The following SPTLC3 variants were observed in gnomAD, a reference collection of about 807,000 sequenced individuals.
SPTLC3 encodes the protein serine palmitoyltransferase long chain base subunit 3.
In SPTLC3, 36 loss-of-function variants were observed where a neutral mutation model predicts 59.3. That is an observed-to-expected ratio of 0.61 (90% confidence interval 0.47 to 0.80). SPTLC3 has a LOEUF of 0.80. Among genes scored for constraint, SPTLC3 ranks in the 30% least tolerant of loss-of-function variants. The pLI, the probability that SPTLC3 is intolerant of heterozygous loss-of-function variation, is 0.00. For synonymous variants in SPTLC3, 257 were observed against 240.8 expected (o/e 1.07, Z -0.62); for missense variants, 625 against 685.1 (o/e 0.91, Z 0.98).
intron 10 of SPTLC3, among the ~76,000 whole-genome samples, chr20:13,156,461 G>T (rs941297041): frequency 6.6e-6 from 1 of 152,156 alleles, no homozygotes; most frequent in African/African-American, 2.4e-5. Flanking sequence ...GAATCAAAAA[G>T]AAATTTGATT....
At chr20:13,078,693 G>T (rs1202737049) in intron 4 of SPTLC3, among the ~76,000 whole-genome samples, 1 of 152,102 alleles carries the variant, frequency 6.6e-6, no homozygotes, top group Non-Finnish European at 1.5e-5. Flanking sequence ...CAAAGGAAGA[G>T]GTAAAATAGC....
At chr20:13,027,814 G>A (rs1291845270) in intron 1 of SPTLC3, among the ~76,000 whole-genome samples, 2 of 152,082 alleles carry the variant, frequency 1.3e-5, no homozygotes, top group African/African-American at 2.4e-5. Context: ...GACTTTTATA[G>A]CTAGGCAGCA....
chr20:13,057,659 G>T (rs1452347806), intron 2 of SPTLC3, among the ~76,000 whole-genome samples: 1 of 152,148 alleles, frequency 6.6e-6, no homozygotes, highest in African/African-American at 2.4e-5. Context: ...GCACTAAAAA[G>T]CTCAAGTTAG....
chr20:13,102,314 A>T (rs1296676115), intron 6 of SPTLC3, among the ~76,000 whole-genome samples: 2 of 152,072 alleles, frequency 1.3e-5, no homozygotes, highest in African/African-American at 4.8e-5. Flanking sequence ...CTTCATTGTA[A>T]TGAGCCATTT....
At chr20:13,078,319 A>G (rs1600257578) in intron 4 of SPTLC3, among the ~76,000 whole-genome samples, 1 of 150,906 alleles carries the variant, frequency 6.6e-6, no homozygotes, top group Admixed American at 6.6e-5. Context: ...GATCAAAATA[A>G]TAGTTCAATA....
intron 1 of SPTLC3, among the ~76,000 whole-genome samples, chr20:13,042,889 T>C (rs1987053816): frequency 6.6e-6 from 1 of 152,138 alleles, no homozygotes; most frequent in Admixed American, 6.6e-5. Flanking sequence ...ATTTTTATAA[T>C]TTTTACCAGT....
intron 1 of SPTLC3, among the ~76,000 whole-genome samples, chr20:13,015,869 G>C (rs1985503245): frequency 6.6e-6 from 1 of 151,820 alleles, no homozygotes; most frequent in Non-Finnish European, 1.5e-5. Context: ...CATGGGAAAA[G>C]TCTTTATAAC....
chr20:13,056,109 C>T (rs1350710031), intron 2 of SPTLC3, among the ~76,000 whole-genome samples: 1 of 152,156 alleles, frequency 6.6e-6, no homozygotes, highest in African/African-American at 2.4e-5. Flanking sequence ...CTATGGACAT[C>T]AAATGGCAGC....
At chr20:13,135,006 C>G (rs2038211099) in intron 9 of SPTLC3, among the ~76,000 whole-genome samples, 1 of 152,142 alleles carries the variant, frequency 6.6e-6, no homozygotes, top group Admixed American at 6.5e-5. Flanking sequence ...ACAGTCACTC[C>G]CTAAGCCTGT....
intron 2 of SPTLC3, among the ~76,000 whole-genome samples, chr20:13,071,773 CCT>C (rs1178088728): frequency 2.6e-5 from 4 of 152,186 alleles, no homozygotes; most frequent in Non-Finnish European, 5.9e-5. Flanking sequence ...TCCACGAGCT[CCT>C]CTGATTAGTT....
chr20:13,110,669 T>C (rs766659673), intron 7 of SPTLC3, among the ~76,000 whole-genome samples: 19 of 152,098 alleles, frequency 1.2e-4, no homozygotes, highest in Non-Finnish European at 2.5e-4. Context: ...GTGATTGCCA[T>C]CAATACAAAA....
intron 4 of SPTLC3, among the ~76,000 whole-genome samples, chr20:13,086,062 T>A (rs1257672315): frequency 2.0e-5 from 3 of 152,048 alleles, no homozygotes; most frequent in Non-Finnish European, 4.4e-5. Context: ...GAAAAAAAAA[T>A]TGTGGATTTA....
chr20:13,023,190 C>T (rs1238252252), intron 1 of SPTLC3, among the ~76,000 whole-genome samples: 2 of 151,936 alleles, frequency 1.3e-5, no homozygotes, highest in Non-Finnish European at 2.9e-5. Flanking sequence ...TCTAAAATTG[C>T]AACCCACCCC....
At chr20:13,042,743 AG>A (rs1296843710) in intron 1 of SPTLC3, among the ~76,000 whole-genome samples, 2 of 152,226 alleles carry the variant, frequency 1.3e-5, no homozygotes, top group East Asian at 3.9e-4. Context: ...TGGGAGACAA[AG>A]GGAGAGAATA....
chr20:13,070,793 T>C (rs1046546666), intron 2 of SPTLC3, among the ~76,000 whole-genome samples: 1 of 152,134 alleles, frequency 6.6e-6, no homozygotes, highest in Admixed American at 6.5e-5. Flanking sequence ...GGATGTCTAA[T>C]CAGGAGTGAG....
chr20:13,155,319 A>G (rs2038743475), intron 10 of SPTLC3, among the ~76,000 whole-genome samples: 1 of 152,154 alleles, frequency 6.6e-6, no homozygotes, highest in Admixed American at 6.5e-5. Flanking sequence ...CTCCCCTCCA[A>G]TGTAACCCAT....
intron 9 of SPTLC3, among the ~76,000 whole-genome samples, chr20:13,152,857 C>G (rs895558924): frequency 1.3e-5 from 2 of 152,152 alleles, no homozygotes; most frequent in African/African-American, 2.4e-5. Flanking sequence ...TAAGAAGGGA[C>G]CAGATGACTA....
intron 9 of SPTLC3, among the ~76,000 whole-genome samples, chr20:13,153,746 C>G (rs1285788862): frequency 6.6e-6 from 1 of 152,170 alleles, no homozygotes; most frequent in Non-Finnish European, 1.5e-5. Context: ...CACCAGCCCT[C>G]TAGCGTATCC....
At chr20:13,137,280 G>C (rs1023172205) in intron 9 of SPTLC3, among the ~76,000 whole-genome samples, 1 of 152,166 alleles carries the variant, frequency 6.6e-6, no homozygotes, top group Non-Finnish European at 1.5e-5. Context: ...CATCTGTGGG[G>C]AAGTTGTTGC....
Sources: allele counts gnomAD v4.1 joint callset (sites outside exome capture counted in the v4.1 genomes callset), GRCh38; gene constraint gnomAD v4.1.1; transcripts MANE v1.5; gene names NCBI Gene and HGNC (gene_info 2026-07-23, HGNC 2026-07-21).